The following NR1H4 variants were observed in gnomAD, a reference collection of about 807,000 sequenced individuals.
NR1H4 encodes bile acid receptor.
NR1H4 carries 23 observed loss-of-function variants against 58.5 expected under a neutral mutation model. The observed-to-expected ratio is 0.39, with a 90% CI of 0.28 to 0.56. The LOEUF is 0.56. Ranked by LOEUF, NR1H4 falls within the 20% of genes least tolerant of loss-of-function variation. The pLI is 0.58. For missense variants in NR1H4, 487 were observed against 576.9 expected, an observed-to-expected ratio of 0.84 and a Z score of 1.60; for synonymous variants, 214 against 198.0, an observed-to-expected ratio of 1.08 and a Z score of -0.68.
chr12:100,556,467 C>CAAAAAAAA lies in NR1H4; in HGVS notation c.1079-5415_1079-5414insAAAAAAAA, dbSNP rs781520049. Among the ~76,000 whole-genome samples, 30 of 87,380 alleles carry CAAAAAAAA rather than the reference C, an allele frequency of 3.4e-4. 1 individual carries two copies. The highest frequency in any genetic ancestry group is 6.2e-4 in the Non-Finnish European group (21 of 34,036). The allele number at this position is 87,380 out of a possible 152,430, so 57.3% of individuals were successfully genotyped here. ...GGGCAACAAGAGTGAAACTCCGTCT[C>CAAAAAAAA]AAAGAAAAAAAAAACAAAAAACAAA... On this transcript the variant is annotated intron_variant, in intron 9 of 10. Coordinates refer to ENST00000392986, the MANE Select transcript of NR1H4 (RefSeq NM_001206979.2).
chr12:100,515,568 T>C (rs959472711), intron 4 of NR1H4, among the ~76,000 whole-genome samples: 14 of 152,180 alleles, frequency 9.2e-5, no homozygotes, highest in African/African-American at 3.4e-4. Flanking sequence ...AAGATGATCA[T>C]AGATATGATC....
At chr12:100,540,869 G>T (rs779383680) in intron 9 of NR1H4, 51 bp downstream of exon 9, 1 of 1,591,420 alleles carries the variant, frequency 6.3e-7, no homozygotes, top group Non-Finnish European at 8.6e-7. Context: ...AGTAAAATTG[G>T]TGTGCTTCAT....
intron 3 of NR1H4, among the ~76,000 whole-genome samples, chr12:100,496,541 C>A (rs940452099): frequency 2.0e-5 from 3 of 152,180 alleles, no homozygotes; most frequent in Non-Finnish European, 4.4e-5. Flanking sequence ...ACCAGCTGTG[C>A]AGCCTTGAAC....
At chr12:100,558,307 C>T (rs1304483480) in intron 9 of NR1H4, among the ~76,000 whole-genome samples, 1 of 143,852 alleles carries the variant, frequency 7.0e-6, no homozygotes, top group South Asian at 2.2e-4. Flanking sequence ...CAAGATCACG[C>T]CACTGCACTC....
Position 100,563,544 on chromosome 12 carries a change from G to GTA in NR1H4, c.*58_*59dup. On this transcript the variant is annotated 3_prime_UTR_variant, in exon 11 of 11. Transcript: ENST00000392986. The stretch of plus-strand genomic sequence containing the variant: ...TTTTTCTCTCTCATATTAATCTGAT[G>GTA]TATAACTTTCCTTTATTTCACTTGT... 1 of 1,337,338 alleles carries GTA rather than the reference G, an allele frequency of 7.5e-7. No homozygotes were observed. The highest frequency in any genetic ancestry group is 1.1e-6 in the Non-Finnish European group (1 of 928,196). 82.8% of individuals were successfully genotyped at this position (1,337,338 alleles called of 1,614,324 possible).
At chr12:100,514,403 T>C (rs1954210457) in intron 4 of NR1H4, among the ~76,000 whole-genome samples, 1 of 152,206 alleles carries the variant, frequency 6.6e-6, no homozygotes, top group Non-Finnish European at 1.5e-5. Context: ...CTCCTGTTGC[T>C]ATGAACTGAT....
chr12:100,549,565 T>C (rs1278909911), intron 9 of NR1H4, among the ~76,000 whole-genome samples: 1 of 152,144 alleles, frequency 6.6e-6, no homozygotes, highest in Non-Finnish European at 1.5e-5. Context: ...GTCTTGCTGG[T>C]TAGAATGCAT....
intron 2 of NR1H4, 63 bp from the exon 3 acceptor site, chr12:100,493,207 C>G (rs2136103990): frequency 1.4e-6 from 1 of 698,064 alleles, no homozygotes; most frequent in East Asian, 2.7e-5. Flanking sequence ...GTCTCCTTCC[C>G]CAGCTCTCCT....
At chr12:100,542,786 T>C (rs1954967846) in intron 9 of NR1H4, among the ~76,000 whole-genome samples, 1 of 152,230 alleles carries the variant, frequency 6.6e-6, no homozygotes, top group Non-Finnish European at 1.5e-5. Flanking sequence ...ATTATGTTTT[T>C]TTCCTAGTTA....
At chr12:100,509,828 A>T (rs1954059498) in intron 3 of NR1H4, among the ~76,000 whole-genome samples, 1 of 152,220 alleles carries the variant, frequency 6.6e-6, no homozygotes, top group South Asian at 2.1e-4. Context: ...CCAGAATATA[A>T]TGTAAAAATA....
intron 3 of NR1H4, chr12:100,505,812 C>T (rs11110398): frequency 0.033 from 16,392 of 489,494 alleles, 1,529 homozygotes; most frequent in East Asian, 0.28. Context: ...CGAACTACCT[C>T]TACTCCCTCC....
At chr12:100,480,719 T>TAAAGACATATGG (rs1466511513) in intron 1 of NR1H4, among the ~76,000 whole-genome samples, 1 of 152,152 alleles carries the variant, frequency 6.6e-6, no homozygotes, top group East Asian at 1.9e-4. Flanking sequence ...GTAACAACCA[T>TAAAGACATATGG]CCCAAAGCTT....
intron 8 of NR1H4, among the ~76,000 whole-genome samples, chr12:100,539,221 A>G (rs548669195): frequency 6.6e-6 from 1 of 152,226 alleles, no homozygotes; most frequent in Non-Finnish European, 1.5e-5. Context: ...TAAAATATGG[A>G]AAGAAATAAA....
intron 8 of NR1H4, 21 bp from the exon 9 acceptor site, chr12:100,540,651 T>C: frequency 6.2e-7 from 1 of 1,612,884 alleles, no homozygotes; most frequent in Non-Finnish European, 8.5e-7. Flanking sequence ...TGATACCAAT[T>C]TGATTATCAT....
intron 3 of NR1H4, 101 bp from the exon 4 acceptor site, chr12:100,510,677 A>T (rs888045416): frequency 4.4e-6 from 5 of 1,127,862 alleles, no homozygotes; most frequent in Non-Finnish European, 5.3e-6. Flanking sequence ...AAATGTTTCA[A>T]TCTTTTCTTA....
chr12:100,503,714 T>G (rs1593061570), intron 3 of NR1H4, among the ~76,000 whole-genome samples: 1 of 152,212 alleles, frequency 6.6e-6, no homozygotes, highest in Admixed American at 6.6e-5. Context: ...ATGTTTCCCC[T>G]AATATTCTTC....
chr12:100,494,601 T>C (rs1953672181), intron 3 of NR1H4, among the ~76,000 whole-genome samples: 1 of 152,262 alleles, frequency 6.6e-6, no homozygotes, highest in Non-Finnish European at 1.5e-5. Flanking sequence ...GCATCTTATT[T>C]CTTCCAGTTG....
At chr12:100,552,453 C>G (rs1955224084) in intron 9 of NR1H4, among the ~76,000 whole-genome samples, 1 of 152,196 alleles carries the variant, frequency 6.6e-6, no homozygotes, top group South Asian at 2.1e-4. Context: ...TCTCTTAGCA[C>G]CACAAGAATA....
At chr12:100,477,881 C>A (rs1339291278) in intron 1 of NR1H4, among the ~76,000 whole-genome samples, 1 of 152,214 alleles carries the variant, frequency 6.6e-6, no homozygotes, top group East Asian at 1.9e-4. Context: ...GGAGTCCCGA[C>A]TCTGAATCTG....
Sources: gnomAD v4.1 joint callset for allele counts (sites outside exome capture counted in the v4.1 genomes callset) on GRCh38, gnomAD v4.1.1 for gene constraint, MANE v1.5 for transcripts, NCBI Gene and HGNC (gene_info 2026-07-23, HGNC 2026-07-21) for gene names.